Variants in ANKDD1A observed in about 807,000 individuals in gnomAD.
ANKDD1A encodes ankyrin repeat and death domain containing 1A, also known as ankyrin repeat and death domain-containing protein 1A.
In ANKDD1A, 59 loss-of-function variants were observed where a neutral mutation model predicts 63.5. The observed-to-expected ratio is 0.93, with a 90% CI of 0.75 to 1.15. ANKDD1A has a LOEUF of 1.15. Ranked by LOEUF, ANKDD1A falls within the 50% of genes most tolerant of loss-of-function variation. The probability of loss-of-function intolerance (pLI) is 0.00; values close to 1 mark genes in which losing one functional copy is unlikely to be tolerated. For synonymous variants in ANKDD1A, 266 were observed against 263.9 expected (o/e 1.01, Z -0.08); for missense variants, 632 against 656.4 (o/e 0.96, Z 0.41).
chr15:64,945,184 C>G (rs1373906050), intron 12 of ANKDD1A, among the ~76,000 whole-genome samples: 2 of 152,126 alleles, frequency 1.3e-5, no homozygotes, highest in Non-Finnish European at 2.9e-5. Context: ...GGACTTGGGA[C>G]AGAAGAGTGG....
intron 14 of ANKDD1A, among the ~76,000 whole-genome samples, chr15:64,956,264 G>T (rs2140395535): frequency 7.1e-6 from 1 of 140,998 alleles, no homozygotes; most frequent in East Asian, 2.0e-4. Context: ...AAACAGTTTA[G>T]CTTGGCCGGG....
chr15:64,953,406 T>TCTC (rs139735743), intron 14 of ANKDD1A, among the ~76,000 whole-genome samples: 2 of 110,504 alleles, frequency 1.8e-5, no homozygotes, highest in Admixed American at 1.1e-4. Context: ...CTCCTTTTCT[T>TCTC]CTCCTCCTCC....
chr15:64,943,864 T>C (rs1315641194), intron 11 of ANKDD1A: 1 of 433,274 alleles, frequency 2.3e-6, no homozygotes, highest in Non-Finnish European at 4.3e-6. Flanking sequence ...TGTGACCTCC[T>C]GAGTCACCTG....
intron 9 of ANKDD1A, among the ~76,000 whole-genome samples, chr15:64,937,233 A>G (rs1223134186): frequency 6.6e-6 from 1 of 152,148 alleles, no homozygotes; most frequent in Non-Finnish European, 1.5e-5. Flanking sequence ...TATAAAACTT[A>G]CAAATACATG....
At chr15:64,955,435 G>A (rs1023816012) in intron 14 of ANKDD1A, among the ~76,000 whole-genome samples, 33 of 152,178 alleles carry the variant, frequency 2.2e-4, no homozygotes, top group South Asian at 6.2e-4. Flanking sequence ...TGAAATTGCA[G>A]GCACCCATAG....
intron 14 of ANKDD1A, among the ~76,000 whole-genome samples, chr15:64,953,427 T>TTCC (rs1555367001): frequency 6.0e-4 from 9 of 14,990 alleles, no homozygotes; most frequent in East Asian, 0.018. Context: ...TCCCTTCTTC[T>TTCC]TCCTCCTCCT....
chr15:64,925,872 G>A (rs1309208374), intron 4 of ANKDD1A, among the ~76,000 whole-genome samples, 194 bp from the exon 5 acceptor site: 2 of 152,106 alleles, frequency 1.3e-5, no homozygotes, highest in Non-Finnish European at 2.9e-5. Context: ...TTGGCATCCC[G>A]ACTCCTGCCA....
intron 14 of ANKDD1A, among the ~76,000 whole-genome samples, chr15:64,956,190 C>G (rs2085414605): frequency 1.3e-5 from 2 of 151,060 alleles, no homozygotes; most frequent in African/African-American, 4.9e-5. Context: ...CTTCCTTTCT[C>G]TCTTCACCTT....
chr15:64,917,545 G>A (rs1199840849), intron 3 of ANKDD1A, 31 bp downstream of exon 3: 2 of 1,491,302 alleles, frequency 1.3e-6, no homozygotes, highest in Admixed American at 2.2e-5. Context: ...CTGTCTCAGG[G>A]TGGTGGGGGG....
At chr15:64,951,937 CTT>C (rs201067831) in intron 14 of ANKDD1A, among the ~76,000 whole-genome samples, 3,044 of 132,722 alleles carry the variant, frequency 0.023, 52 homozygotes, top group Admixed American at 0.037. Flanking sequence ...TTCTTCCTTT[CTT>C]TTCTTCTTCT....
At chr15:64,919,180 A>G (rs1171916421) in intron 3 of ANKDD1A, among the ~76,000 whole-genome samples, 1 of 152,056 alleles carries the variant, frequency 6.6e-6, no homozygotes, top group Non-Finnish European at 1.5e-5. Context: ...TAGGACTGTG[A>G]TGTATCCCGG....
chr15:64,954,159 CTTTCTTCTTTCT>C (rs1458567433), intron 14 of ANKDD1A, among the ~76,000 whole-genome samples: 22 of 48,388 alleles, frequency 4.5e-4, no homozygotes, highest in Non-Finnish European at 2.9e-4. Flanking sequence ...CCTTATTATT[CTTTCTTCTTTCT>C]TTTCTTCTTC....
At chr15:64,934,317 C>T in intron 9 of ANKDD1A, 83 bp downstream of exon 9, 1 of 1,325,128 alleles carries the variant, frequency 7.5e-7, no homozygotes, top group Non-Finnish European at 1.0e-6. Context: ...GAGAAACAGG[C>T]ACATCGGATC....
At chr15:64,925,085 G>A (rs1294092962) in intron 4 of ANKDD1A, among the ~76,000 whole-genome samples, 3 of 151,882 alleles carry the variant, frequency 2.0e-5, no homozygotes, top group Non-Finnish European at 2.9e-5. Flanking sequence ...AAAATTAGCC[G>A]GGCGTGGTGG....
At chr15:64,954,045 CTT>C (rs1329906171) in intron 14 of ANKDD1A, among the ~76,000 whole-genome samples, 1 of 81,600 alleles carries the variant, frequency 1.2e-5, no homozygotes, top group Non-Finnish European at 2.4e-5. Context: ...TCTTCCTCTT[CTT>C]CTTTTCTCCT....
intron 4 of ANKDD1A, chr15:64,922,277 A>C: frequency 2.2e-6 from 1 of 461,518 alleles, no homozygotes; most frequent in Non-Finnish European, 3.9e-6. Context: ...GAAAAATTAA[A>C]TGAGAAGGAG....
chr15:64,913,067 A>C (rs1285745056), intron 1 of ANKDD1A, among the ~76,000 whole-genome samples: 1 of 152,148 alleles, frequency 6.6e-6, no homozygotes, highest in Admixed American at 6.5e-5. Context: ...TTTCATTCTA[A>C]CTTAACCTTC....
chr15:64,954,865 C>CCTT (rs1249429952), intron 14 of ANKDD1A, among the ~76,000 whole-genome samples: 130,413 of 146,356 alleles, frequency 0.89, 58,915 homozygotes, highest in East Asian at 0.99. Context: ...TCTTTCTTCT[C>CCTT]CTTTTCTTCT....
intron 4 of ANKDD1A, 82 bp from the exon 5 acceptor site, chr15:64,925,984 C>A: frequency 7.7e-7 from 1 of 1,295,642 alleles, no homozygotes; most frequent in Non-Finnish European, 1.1e-6. Context: ...GGGTCCCAAA[C>A]ACTCGCTGTT....
Sources: allele counts gnomAD v4.1 joint callset (sites outside exome capture counted in the v4.1 genomes callset), GRCh38; gene constraint gnomAD v4.1.1; transcripts MANE v1.5; gene names NCBI Gene and HGNC (gene_info 2026-07-23, HGNC 2026-07-21).